The following NR4A1 variants were observed in gnomAD, a reference collection of about 807,000 sequenced individuals.
NR4A1 encodes nuclear receptor subfamily 4immunitygroup A member 1.
NR4A1 carries 24 observed loss-of-function variants against 47.5 expected under a neutral mutation model. The observed-to-expected ratio is 0.50, with a 90% confidence interval of 0.37 to 0.71. NR4A1 has a LOEUF of 0.71. Ranked by LOEUF, NR4A1 falls within the 30% of genes least tolerant of loss-of-function variation. The pLI, the probability that NR4A1 is intolerant of heterozygous loss-of-function variation, is 0.00. For missense variants in NR4A1, 669 were observed against 788.6 expected (o/e 0.85, Z 1.82); for synonymous variants, 353 against 345.7 (o/e 1.02, Z -0.24).
upstream of NR4A1, among the ~76,000 whole-genome samples, chr12:52,046,705 C>T (rs796713538): frequency 2.0e-5 from 3 of 152,222 alleles, no homozygotes; most frequent in African/African-American, 2.4e-5. Context: ...AAATTTGGGC[C>T]GGGCACGGTG....
upstream of NR4A1, among the ~76,000 whole-genome samples, chr12:52,051,239 GCA>G (rs540800123): frequency 6.6e-6 from 1 of 152,122 alleles, no homozygotes; most frequent in East Asian, 1.9e-4. Flanking sequence ...CGTCACGCGC[GCA>G]GACATTCCAG....
chr12:52,044,586 A>G (rs1034339361), intron 2 of NR4A1, among the ~76,000 whole-genome samples: 2 of 152,232 alleles, frequency 1.3e-5, no homozygotes. Flanking sequence ...GTGAGTCTCT[A>G]AACGAATCCA....
Position 52,041,809 on chromosome 12 carries a change from G to A in NR4A1, c.-83-1G>A. On this transcript the variant is annotated splice_acceptor_variant, in intron 1 of 7. Coordinates refer to the NR4A1 transcript ENST00000360284. LOFTEE classifies it low-confidence loss of function (5UTR_SPLICE). ...CACTCACATCGACTCTCCCTCTGTA[G>A]GCCTCCACCATGGACAGAGGCCAGG... is the stretch of plus-strand genomic sequence containing the variant. 1 of 1,390,594 alleles carries A rather than the reference G, an allele frequency of 7.2e-7. No individual in the cohort carries two copies. Among genetic ancestry groups the A allele is most frequent in the Non-Finnish European group, 9.3e-7 (1 of 1,069,608 alleles). 86.1% of individuals were successfully genotyped at this position (1,390,594 alleles called of 1,614,324 possible).
chr12:52,038,310 G>A, intron 1 of NR4A1: 1 of 185,832 alleles, frequency 5.4e-6, no homozygotes, highest in Non-Finnish European at 1.1e-5. Flanking sequence ...TGATCCGCCT[G>A]CCTCGGCCTC....
chr12:52,041,459 G>C (rs1253725625), intron 1 of NR4A1, among the ~76,000 whole-genome samples: 1 of 152,148 alleles, frequency 6.6e-6, no homozygotes, highest in Non-Finnish European at 1.5e-5. Flanking sequence ...CCTCACAATA[G>C]CTCCCTTTCT....
At chr12:52,047,242 G>A (rs1366334390), upstream of NR4A1, among the ~76,000 whole-genome samples, 4 of 152,178 alleles carry the variant, frequency 2.6e-5, no homozygotes, top group Non-Finnish European at 5.9e-5. Context: ...TGTGTGCTGG[G>A]AGTCTGTGGC....
chr12:52,025,366 C>T (rs1265830037), intron 1 of NR4A1, among the ~76,000 whole-genome samples: 2 of 152,126 alleles, frequency 1.3e-5, no homozygotes, highest in Non-Finnish European at 2.9e-5. Flanking sequence ...AGGCCTCTTT[C>T]GGCACTGCCC....
intron 2 of NR4A1, chr12:52,041,961 C>G: frequency 7.6e-7 from 1 of 1,310,392 alleles, no homozygotes; most frequent in Non-Finnish European, 9.8e-7. Flanking sequence ...TTTGTACACC[C>G]CTCCAGCAGG....
intron 1 of NR4A1, among the ~76,000 whole-genome samples, chr12:52,028,222 AAAAAAAAG>A: frequency 6.6e-6 from 1 of 151,404 alleles, no homozygotes; most frequent in South Asian, 2.1e-4. Flanking sequence ...AAAAAAAAAA[AAAAAAAAG>A]AAGAGAGAAG....
chr12:52,058,352 T>G, intron 6 of NR4A1: 1 of 292,544 alleles, frequency 3.4e-6, no homozygotes, highest in East Asian at 6.7e-5. Context: ...GAGTGCTGAG[T>G]TCTGAGGCTG....
intron 1 of NR4A1, chr12:52,038,455 T>G: frequency 9.5e-6 from 4 of 420,904 alleles, no homozygotes; most frequent in Non-Finnish European, 1.7e-5. Flanking sequence ...GAATTGTTAA[T>G]TTGGTTGTGG....
intron 2 of NR4A1, 175 bp from the exon 3 acceptor site, chr12:52,055,855 C>T (rs1202161964): frequency 3.2e-5 from 14 of 439,888 alleles, no homozygotes; most frequent in Non-Finnish European, 5.2e-5. Flanking sequence ...ACTTTTCTCT[C>T]CCCCCGCCCA....
chr12:52,056,964 G>T, intron 4 of NR4A1, 93 bp from the exon 5 acceptor site: 1 of 1,222,372 alleles, frequency 8.2e-7, no homozygotes, highest in South Asian at 1.5e-5. Context: ...TCCCACTCCC[G>T]GGATCTGGCA....
chr12:52,025,572 A>G (rs138060837), intron 1 of NR4A1, among the ~76,000 whole-genome samples: 310 of 152,108 alleles, frequency 2.0e-3, no homozygotes, highest in Non-Finnish European at 3.8e-3. Flanking sequence ...AGCGCCCTCT[A>G]TCATTCGCTA....
intron 1 of NR4A1, among the ~76,000 whole-genome samples, chr12:52,052,907 G>A (rs1471553989): frequency 6.6e-6 from 1 of 152,198 alleles, no homozygotes; most frequent in East Asian, 1.9e-4. Context: ...GGTGTGTGGG[G>A]CCTGAGCTAC....
chr12:52,036,261 G>A (rs2120940711), intron 1 of NR4A1, among the ~76,000 whole-genome samples: 1 of 152,232 alleles, frequency 6.6e-6, no homozygotes, highest in South Asian at 2.1e-4. Flanking sequence ...CCTTCCAAGT[G>A]CCTGCACCCC....
At chr12:52,039,676 A>G (rs1439316695) in intron 1 of NR4A1, among the ~76,000 whole-genome samples, 1 of 152,194 alleles carries the variant, frequency 6.6e-6, no homozygotes, top group Non-Finnish European at 1.5e-5. Context: ...GGGTTTAGAG[A>G]CTGCAGACTC....
At chr12:52,043,864 G>T (rs1393270577) in intron 2 of NR4A1, 2 of 1,289,178 alleles carry the variant, frequency 1.6e-6, no homozygotes, top group South Asian at 1.2e-5. Flanking sequence ...TCGTGCGGTT[G>T]TCTGGGACCT....
chr12:52,036,369 T>C lies in NR4A1; in HGVS notation c.-83-5441T>C, dbSNP rs149361889. Among the ~76,000 whole-genome samples, 667 of 152,160 alleles carry C rather than the reference T, an allele frequency of 4.4e-3. 5 individuals are homozygous for C. The highest frequency in any genetic ancestry group is 0.015 in the African/African-American group (617 of 41,514). ...CTGGTCACGGTGGTGGGCCTCTGAGTGCATGAAGCACTCCTTTGGATTGGG... is the reference window on the plus strand; with the variant it reads ...CTGGTCACGGTGGTGGGCCTCTGAGCGCATGAAGCACTCCTTTGGATTGGG... On this transcript the variant is annotated intron_variant, in intron 1 of 7. Transcript: ENST00000360284.
Sources: gnomAD v4.1 joint callset for allele counts (sites outside exome capture counted in the v4.1 genomes callset) on GRCh38, gnomAD v4.1.1 for gene constraint, MANE v1.5 for transcripts, NCBI Gene and HGNC (gene_info 2026-07-23, HGNC 2026-07-21) for gene names.